Variants in TUBA1C observed in about 807,000 individuals in gnomAD.
TUBA1C encodes the protein tubulin alpha-1C chain.
A neutral mutation model predicts 34.9 loss-of-function variants in TUBA1C; 16 were observed. The ratio of observed to expected loss-of-function variants is 0.46; its 90% confidence interval spans 0.31 to 0.70. The LOEUF (loss-of-function observed/expected upper bound fraction) is 0.70. Among genes scored for constraint, TUBA1C ranks in the 30% least tolerant of loss-of-function variants. The pLI is 0.05. For missense variants in TUBA1C, 329 were observed against 587.3 expected, an observed-to-expected ratio of 0.56 and a Z score of 4.55; for synonymous variants, 177 against 215.9, an observed-to-expected ratio of 0.82 and a Z score of 1.58.
At chr12:49,249,588 G>A (rs1565642862) in intron 1 of TUBA1C, among the ~76,000 whole-genome samples, 2 of 152,138 alleles carry the variant, frequency 1.3e-5, no homozygotes, top group African/African-American at 2.4e-5. Flanking sequence ...GACTGGTCGT[G>A]GTGGCTCACA....
At chr12:49,271,478 GGCCAATACTGTGCTTACTGT>G (rs1942990909) in intron 3 of TUBA1C, among the ~76,000 whole-genome samples, 1 of 152,036 alleles carries the variant, frequency 6.6e-6, no homozygotes, top group Non-Finnish European at 1.5e-5. Context: ...TGGCTTACTG[GGCCAATACTGTGCTTACTGT>G]GCCAAGCACT....
In TUBA1C at chr12:49,273,338, C is replaced by T. The variant is rs779575070; in HGVS notation, c.*111C>T. On this transcript the variant is annotated 3_prime_UTR_variant, in exon 4 of 4. Transcript: ENST00000301072. The stretch of plus-strand genomic sequence containing the variant: ...AAATTGAAGTTTCCATTTTAAATGT[C>T]GAGCTGACTTAAATACTTGATCCAG... The T allele has an allele frequency of 1.1e-4, 174 of 1,588,122 alleles. No homozygotes were observed. The highest frequency in any genetic ancestry group is 1.4e-4 in the Non-Finnish European group (162 of 1,164,448).
At chr12:49,245,897 C>T (rs962864692) in intron 1 of TUBA1C, among the ~76,000 whole-genome samples, 1 of 152,066 alleles carries the variant, frequency 6.6e-6, no homozygotes, top group Non-Finnish European at 1.5e-5. Context: ...AAGATTGCCA[C>T]ATACTTCTTC....
In TUBA1C at chr12:49,273,233, G is replaced by A. The variant is rs774957476; in HGVS notation, c.*6G>A. 2 of 1,614,066 alleles carry A rather than the reference G, an allele frequency of 1.2e-6. No homozygotes were observed. The highest frequency in any genetic ancestry group is 1.3e-5 in the African/African-American group (1 of 74,916). ...ATGAGGGTGAAGAGTATTAACCTGT[G>A]TGCTGTACTTTTACACTCCTTTGTC... On this transcript the variant is annotated 3_prime_UTR_variant, in exon 4 of 4. Coordinates refer to ENST00000301072, the MANE Select transcript of TUBA1C (RefSeq NM_032704.5).
intron 1 of TUBA1C, among the ~76,000 whole-genome samples, chr12:49,235,398 G>A (rs1387818232): frequency 1.3e-5 from 2 of 152,128 alleles, no homozygotes; most frequent in Admixed American, 1.3e-4. Context: ...CGGGGTTGCA[G>A]GTCAGCGCCC....
At chr12:49,268,959 T>C (rs532299104) in intron 1 of TUBA1C, among the ~76,000 whole-genome samples, 2 of 152,358 alleles carry the variant, frequency 1.3e-5, no homozygotes, top group South Asian at 2.1e-4. Context: ...GAGTAGTTCA[T>C]GAACACATCT....
At chr12:49,238,894 C>T (rs758700164) in intron 1 of TUBA1C, among the ~76,000 whole-genome samples, 3 of 152,158 alleles carry the variant, frequency 2.0e-5, no homozygotes, top group Admixed American at 6.6e-5. Flanking sequence ...GGAACCTCTA[C>T]GTGTTCAGCC....
At chr12:49,234,567 T>A (rs1046740351) in intron 1 of TUBA1C, among the ~76,000 whole-genome samples, 19 of 152,188 alleles carry the variant, frequency 1.2e-4, no homozygotes, top group Non-Finnish European at 2.5e-4. Flanking sequence ...GGCGCCGCAG[T>A]CCTGGCGAGC....
upstream of TUBA1C, among the ~76,000 whole-genome samples, chr12:49,262,766 C>T (rs1296423639): frequency 6.6e-6 from 1 of 151,906 alleles, no homozygotes; most frequent in East Asian, 1.9e-4. Flanking sequence ...GGCAACAGAG[C>T]GAGACTCCAT....
intron 1 of TUBA1C, among the ~76,000 whole-genome samples, chr12:49,249,075 A>G (rs746242200): frequency 5.3e-5 from 8 of 152,112 alleles, no homozygotes; most frequent in Non-Finnish European, 1.2e-4. Flanking sequence ...GCTTAGAGGA[A>G]AACATATATA....
chr12:49,262,529 C>T (rs1019718027), upstream of TUBA1C, among the ~76,000 whole-genome samples: 1 of 151,036 alleles, frequency 6.6e-6, no homozygotes, highest in Non-Finnish European at 1.5e-5. Context: ...CCTGTAATCG[C>T]AGCATTTTGG....
chr12:49,272,756 T>C lies in TUBA1C; in HGVS notation c.879T>C (p.Asn293=), dbSNP rs1273542605. ...HEQLTVAEIT[N]ACFEPANQMV... ...AGCTTACTGTAGCAGAGATCACCAA[T>C]GCTTGCTTTGAGCCAGCCAACCAGA... is the stretch of plus-strand genomic sequence containing the variant. Residue 293 remains asparagine (N), a synonymous_variant, in exon 4 of 4, where the codon AAT becomes AAC. Transcript: ENST00000301072. The C allele has an allele frequency of 1.2e-6, 2 of 1,613,756 alleles. No individual in the cohort carries two copies. Among genetic ancestry groups the C allele is most frequent in the South Asian group, 2.2e-5 (2 of 91,042 alleles).
intron 1 of TUBA1C, among the ~76,000 whole-genome samples, chr12:49,232,291 C>G (rs1470648913): frequency 1.3e-5 from 2 of 152,200 alleles, no homozygotes; most frequent in Non-Finnish European, 2.9e-5. Flanking sequence ...AAATGTCCAC[C>G]TTGTCCTTCT....
chr12:49,265,304 C>A, intron 1 of TUBA1C, 120 bp downstream of exon 1: 1 of 717,070 alleles, frequency 1.4e-6, no homozygotes, highest in Non-Finnish European at 2.1e-6. Flanking sequence ...CCGGGCCCCT[C>A]CGGTTAACCT....
chr12:49,264,979 G>C (rs561862362), upstream of TUBA1C: 1 of 675,544 alleles, frequency 1.5e-6, no homozygotes, highest in East Asian at 3.5e-5. Flanking sequence ...GCCAGGGCTC[G>C]AAGGTGGGGC....
At chr12:49,263,579 C>T (rs1942862552), upstream of TUBA1C, among the ~76,000 whole-genome samples, 1 of 152,100 alleles carries the variant, frequency 6.6e-6, no homozygotes, top group African/African-American at 2.4e-5. Context: ...CTGCCTGCCT[C>T]GGCCTCCCAA....
intron 1 of TUBA1C, among the ~76,000 whole-genome samples, chr12:49,255,405 AATATATATATATAT>A (rs142218984): frequency 1.4e-5 from 2 of 141,308 alleles, no homozygotes; most frequent in South Asian, 2.3e-4. Flanking sequence ...ATCTTTAAAA[AATATATATATATAT>A]ATATATATAT....
intron 1 of TUBA1C, chr12:49,256,308 C>T: frequency 2.8e-6 from 1 of 360,952 alleles, no homozygotes; most frequent in Non-Finnish European, 5.7e-6. Context: ...TCAGTCATTT[C>T]GTGCAGAGTA....
chr12:49,244,502 G>A (rs1258874082), intron 1 of TUBA1C, among the ~76,000 whole-genome samples: 1 of 152,044 alleles, frequency 6.6e-6, no homozygotes, highest in African/African-American at 2.4e-5. Context: ...GTTAAGGGAA[G>A]TAATTTGAGT....
Sources: gnomAD v4.1 joint callset for allele counts (sites outside exome capture counted in the v4.1 genomes callset) on GRCh38, gnomAD v4.1.1 for gene constraint, MANE v1.5 for transcripts, NCBI Gene and HGNC (gene_info 2026-07-23, HGNC 2026-07-21) for gene names.